Variants in BTBD8 observed in about 807,000 individuals in gnomAD.
BTBD8 encodes BTB domain containing 8, also known as BTB/POZ domain-containing protein 8.
Under a neutral mutation model 162.9 loss-of-function variants are expected in BTBD8, and 110 were observed. The ratio of observed to expected loss-of-function variants is 0.68; its 90% confidence interval spans 0.58 to 0.79. The LOEUF is 0.79. Ranked by LOEUF, BTBD8 falls within the 30% of genes least tolerant of loss-of-function variation. BTBD8 has a pLI of 0.00. For missense variants in BTBD8, 1,905 were observed against 2,085.4 expected (o/e 0.91, Z 1.68); for synonymous variants, 667 against 716.1 (o/e 0.93, Z 1.10).
chr1:92,133,766 C>G (rs187539069), intron 5 of BTBD8, among the ~76,000 whole-genome samples: 1 of 151,958 alleles, frequency 6.6e-6, no homozygotes, highest in Non-Finnish European at 1.5e-5. Flanking sequence ...GTCAGGAGAT[C>G]GAGACCATCC....
At chr1:92,178,062 G>A (rs1328871717) in intron 15 of BTBD8, among the ~76,000 whole-genome samples, 164 bp downstream of exon 15, 2 of 151,952 alleles carry the variant, frequency 1.3e-5, no homozygotes, top group East Asian at 3.8e-4. Flanking sequence ...ATTAGTATAT[G>A]CAAAATGATT....
At chr1:92,094,296 A>G (rs1341584994) in intron 2 of BTBD8, among the ~76,000 whole-genome samples, 1 of 152,202 alleles carries the variant, frequency 6.6e-6, no homozygotes, top group Non-Finnish European at 1.5e-5. Context: ...AGTGTCTTGC[A>G]TATAGAAAGC....
chr1:92,113,818 C>T lies in BTBD8; in HGVS notation c.662+5817C>T, dbSNP rs570022247. ...ATGAGGTCAGGAGATTGAGACCATC[C>T]TGGCTAACTCGGTGAAACCCTGTCT... On this transcript the variant is annotated intron_variant, in intron 4 of 17. Transcript: ENST00000636805. Among the ~76,000 whole-genome samples, 24 of 151,960 alleles carry T rather than the reference C, an allele frequency of 1.6e-4. No homozygotes were observed. In the East Asian group the frequency reaches 4.6e-3, roughly 29 times the overall value.
intron 5 of BTBD8, among the ~76,000 whole-genome samples, chr1:92,135,183 G>A (rs1331822960): frequency 1.3e-5 from 2 of 151,588 alleles, no homozygotes; most frequent in Admixed American, 6.6e-5. Flanking sequence ...CACTGTGCCC[G>A]GCCTTATTTT....
At chr1:92,153,226 A>G (rs1428206225) in intron 9 of BTBD8, among the ~76,000 whole-genome samples, 2 of 152,198 alleles carry the variant, frequency 1.3e-5, no homozygotes, top group Non-Finnish European at 2.9e-5. Flanking sequence ...GTGTTTGCAT[A>G]TCTCACAAAG....
intron 7 of BTBD8, among the ~76,000 whole-genome samples, chr1:92,141,826 A>G (rs1049261292): frequency 2.6e-5 from 4 of 152,178 alleles, no homozygotes; most frequent in African/African-American, 4.8e-5. Context: ...ATGCTTTTCT[A>G]TGTTTTTAAA....
intron 5 of BTBD8, among the ~76,000 whole-genome samples, chr1:92,134,894 A>T (rs946911355): frequency 1.4e-5 from 1 of 72,488 alleles, no homozygotes; most frequent in Non-Finnish European, 2.4e-5. Flanking sequence ...TTAATTAATT[A>T]ATTTTTTTTT....
In BTBD8 at chr1:92,167,966, C is replaced by G; in HGVS notation, c.1424C>G (p.Ser475Cys). ...LLMALDTLLN[S>C]DSTKEMGFTC... ...ATGGCTCTGGACACACTGCTGAACT[C>G]TGACAGTACAAAGGAAATGGTACTG... The change falls in exon 11 of 18, where the codon TCT becomes TGT. Residue 475 changes from serine (S) to cysteine (C), a missense_variant. By Grantham distance (112) the Ser-to-Cys change is moderately radical (BLOSUM62 -1). Around this residue, in one of 3 missense-constraint regions of BTBD8, gnomAD observed 1,374 missense variants for 1,442.7 expected, o/e 0.95. Coordinates refer to ENST00000636805, the MANE Select transcript of BTBD8 (RefSeq NM_001376131.1). 1 of 1,547,254 alleles carries G rather than the reference C, an allele frequency of 6.5e-7. No individual in the cohort carries two copies. The highest frequency in any genetic ancestry group is 1.2e-5 in the South Asian group (1 of 83,226).
intron 2 of BTBD8, among the ~76,000 whole-genome samples, chr1:92,101,872 A>C (rs747193918): frequency 3.7e-4 from 56 of 151,814 alleles, no homozygotes; most frequent in Admixed American, 1.2e-3. Flanking sequence ...AAGTTTTTAA[A>C]TTTTTTGTAA....
At position 92,107,985 on chromosome 1, in the gene BTBD8, C is replaced by A; in HGVS notation, c.646C>A (p.Arg216Ser). ...TATTGATATTTTTGTTGATGGAAAA[C>A]GTTTTAAAGCTCACAGGTAAATAGA... ...PDIDIFVDGK[R>S]FKAHRAILSA... The change falls in exon 4 of 18, where the codon CGT becomes AGT. Residue 216 changes from arginine to serine, a missense_variant. This residue lies in a region of BTBD8 where 1,374 missense variants were observed against 1,442.7 expected (regional missense o/e 0.95). Transcript: ENST00000636805. The A allele has an allele frequency of 1.2e-6, 2 of 1,613,010 alleles. No individual in the cohort carries two copies. Among genetic ancestry groups the A allele is most frequent in the South Asian group, 2.2e-5 (2 of 91,048 alleles).
chr1:92,154,104 A>G (rs576888784), intron 9 of BTBD8, among the ~76,000 whole-genome samples: 26 of 152,142 alleles, frequency 1.7e-4, no homozygotes, highest in Non-Finnish European at 3.2e-4. Flanking sequence ...CTCTCTCACC[A>G]TGTGATGTGC....
Position 92,180,079 on chromosome 1 carries a change from A to T in BTBD8, c.2582-186A>T, listed in dbSNP as rs552818282. On this transcript the variant is annotated intron_variant, in intron 16 of 17. Transcript: ENST00000636805. Reference sequence around the variant, plus strand: ...TCCCTCTATATTTTTAATTGAAAAAATTTTTTTATTTTATCATGTAACTGA... The same window carrying T: ...TCCCTCTATATTTTTAATTGAAAAATTTTTTTTATTTTATCATGTAACTGA... Among the ~76,000 whole-genome samples, 73 of 152,146 alleles carry T rather than the reference A, an allele frequency of 4.8e-4. 1 individual carries two copies. Among genetic ancestry groups the T allele is most frequent in the African/African-American group, 1.3e-3 (55 of 41,502 alleles).
intron 1 of BTBD8, 144 bp downstream of exon 1, chr1:92,080,864 C>G: frequency 7.6e-7 from 1 of 1,309,084 alleles, no homozygotes; most frequent in South Asian, 1.4e-5. Context: ...GTTAGCCAGT[C>G]TCCCCACTAT....
Position 92,180,317 on chromosome 1 carries a change from G to A in BTBD8, c.2634G>A (p.Gln878=), listed in dbSNP as rs1217954019. 3 of 1,551,058 alleles carry A rather than the reference G, an allele frequency of 1.9e-6. No individual in the cohort carries two copies. The Admixed American group carries it at 5.9e-5, about 30-fold the overall frequency. Residue 878 remains glutamine (Q), a synonymous_variant, in exon 17 of 18, where the codon CAG becomes CAA. Transcript: ENST00000636805. The part of the protein sequence containing the change: ...NSVKSSVSSR[Q]SDENVAKLDH... ...TAAAATCTTCAGTCTCTTCAAGGCAGTCTGATGAAAATGTGGCAAAGTTGG... is the reference window on the plus strand; with the variant it reads ...TAAAATCTTCAGTCTCTTCAAGGCAATCTGATGAAAATGTGGCAAAGTTGG...
At chr1:92,182,626 A>C in intron 17 of BTBD8, 31 bp downstream of exon 17, 1 of 1,310,452 alleles carries the variant, frequency 7.6e-7, no homozygotes, top group Non-Finnish European at 1.0e-6. Context: ...TGCTAAATGC[A>C]TAAGAAAATA....
chr1:92,182,433 T>C lies in BTBD8; in HGVS notation c.4750T>C (p.Cys1584Arg), dbSNP rs1280370227. Residue 1584 changes from cysteine to arginine, a missense_variant, in exon 17 of 18, where the codon TGT becomes CGT. Coordinates refer to ENST00000636805, the MANE Select transcript of BTBD8 (RefSeq NM_001376131.1). The part of the protein sequence containing the change: ...DSDVKSQERP[C>R]HLDLHQREPN... The stretch of plus-strand genomic sequence containing the variant: ...TGATGTAAAATCTCAAGAAAGACCA[T>C]GTCACTTGGATCTTCATCAAAGAGA... The C allele has an allele frequency of 2.6e-6, 4 of 1,551,442 alleles. No homozygotes were observed. The highest frequency in any genetic ancestry group is 2.6e-6 in the Non-Finnish European group (3 of 1,146,876).
At position 92,181,600 on chromosome 1, in the gene BTBD8, C is replaced by T; in HGVS notation, c.3917C>T (p.Thr1306Ile). ...FLGRSSSDTSTPEELKIYDSN... is the reference protein window; with the variant it reads ...FLGRSSSDTSIPEELKIYDSN... ...GGAAGAAGTAGCAGTGATACCAGTA[C>T]TCCTGAAGAATTAAAAATTTATGAT... The change falls in exon 17 of 18, where the codon ACT (threonine) becomes ATT (isoleucine). Residue 1306 changes from threonine to isoleucine, a missense_variant. Thr to Ile is a moderately conservative substitution (Grantham distance 89, BLOSUM62 -1). Around this residue, in one of 3 missense-constraint regions of BTBD8, gnomAD observed 517 missense variants for 606.6 expected, o/e 0.85. Transcript: ENST00000636805. 1 of 1,551,284 alleles carries T rather than the reference C, an allele frequency of 6.4e-7. No individual in the cohort carries two copies. The highest frequency in any genetic ancestry group is 8.7e-7 in the Non-Finnish European group (1 of 1,146,710).
intron 13 of BTBD8, among the ~76,000 whole-genome samples, chr1:92,173,847 G>A (rs1421181499): frequency 2.0e-5 from 3 of 152,170 alleles, no homozygotes; most frequent in Non-Finnish European, 2.9e-5. Flanking sequence ...CTCAATAAAT[G>A]TGGAGCAAAT....
chr1:92,100,472 T>A (rs1648560466), intron 2 of BTBD8, among the ~76,000 whole-genome samples: 1 of 152,198 alleles, frequency 6.6e-6, no homozygotes. Context: ...GGGAAGATTT[T>A]GATTACTAAT....
Sources: gnomAD v4.1 joint callset for allele counts (sites outside exome capture counted in the v4.1 genomes callset) on GRCh38, gnomAD v4.1.1 for gene constraint, gnomAD v4.1.1 regional missense constraint, MANE v1.5 for transcripts, NCBI Gene and HGNC (gene_info 2026-07-23, HGNC 2026-07-21) for gene names.